Variants in EPG5 observed in about 807,000 individuals in gnomAD.
The protein encoded by EPG5 is ectopic P granules protein 5 homolog.
In EPG5, 159 loss-of-function variants were observed where a neutral mutation model predicts 302.7. The observed-to-expected ratio is 0.53, with a 90% confidence interval of 0.46 to 0.60. The LOEUF (loss-of-function observed/expected upper bound fraction) is 0.60. Ranked by LOEUF, EPG5 falls within the 20% of genes least tolerant of loss-of-function variation. The pLI is 0.00. For missense variants in EPG5, 2,896 were observed against 3,092.4 expected (o/e 0.94, Z 1.51); for synonymous variants, 1,158 against 1,136.8 (o/e 1.02, Z -0.37).
chr18:45,851,669 G>C lies in EPG5; in HGVS notation c.*798C>G, dbSNP rs1311225561. Reference sequence around the variant, plus strand: ...GGGGCAAGTGATGTGAATGAGGCTAGGGTCAGGGCCCGAGGGAATGCACAG... The same window carrying C: ...GGGGCAAGTGATGTGAATGAGGCTACGGTCAGGGCCCGAGGGAATGCACAG... On this transcript the variant is annotated 3_prime_UTR_variant, in exon 44 of 44. Transcript: ENST00000282041. 1 of 152,264 alleles carries C rather than the reference G, an allele frequency of 6.6e-6. No homozygotes were observed. Among genetic ancestry groups the C allele is most frequent in the African/African-American group, 2.4e-5 (1 of 41,454 alleles). The allele number at this position is 152,264 out of a possible 1,614,324, so 9.4% of individuals were successfully genotyped here.
chr18:45,869,702 G>A (rs1381092206), intron 36 of EPG5, among the ~76,000 whole-genome samples: 1 of 152,092 alleles, frequency 6.6e-6, no homozygotes, highest in Non-Finnish European at 1.5e-5. Context: ...AGCTTTTCTT[G>A]CATTTCAGCT....
In EPG5 at chr18:45,875,154, C is replaced by A. The variant is rs1019671032; in HGVS notation, c.6049+1082G>T. Among the ~76,000 whole-genome samples, 16 of 152,156 alleles carry A rather than the reference C, an allele frequency of 1.1e-4. No individual in the cohort carries two copies. The East Asian group carries it at 3.1e-3, about 29-fold the overall frequency. Reference sequence around the variant, plus strand: ...CAAGAAGTTAAGTAGTTCCAATTGACAACAAATGTAGATCCTCTCTGGAGG... The same window carrying A: ...CAAGAAGTTAAGTAGTTCCAATTGAAAACAAATGTAGATCCTCTCTGGAGG... On this transcript the variant is annotated intron_variant, in intron 35 of 43. Transcript: ENST00000282041.
At chr18:45,834,030 G>A in the EPG5 span, among the ~76,000 whole-genome samples, 1 of 152,292 alleles carries the variant, frequency 6.6e-6, no homozygotes, top group Non-Finnish European at 1.5e-5. Context: ...CTTCATGCCT[G>A]GCAACCTCTA....
intron 39 of EPG5, among the ~76,000 whole-genome samples, chr18:45,862,927 T>C (rs1209841192): frequency 6.6e-6 from 1 of 152,230 alleles, no homozygotes; most frequent in Non-Finnish European, 1.5e-5. Context: ...TTATGATTAT[T>C]CCTTTGGCCA....
At chr18:45,818,932 C>T in the EPG5 span, among the ~76,000 whole-genome samples, 1 of 152,206 alleles carries the variant, frequency 6.6e-6, no homozygotes, top group East Asian at 1.9e-4. Flanking sequence ...TGGGGTTTCA[C>T]CATGTTGGCC....
the EPG5 span, chr18:45,837,723 T>C: frequency 6.7e-7 from 1 of 1,501,660 alleles, no homozygotes; most frequent in Non-Finnish European, 8.8e-7. Flanking sequence ...CAGACGGCGC[T>C]GAGCCTGCAC....
chr18:45,852,506 A>G lies in EPG5; in HGVS notation c.7701T>C (p.Cys2567=). The part of the protein sequence containing the change: ...GKSFLALLVN[C]LYPEVHYLDH... ...CCAAATAATGCACTTCTGGATACAG[A>G]CAGTTAACGAGAAGAGCCAAGAAGC... is the stretch of plus-strand genomic sequence containing the variant. The change falls in exon 44 of 44, where the codon TGT becomes TGC. Residue 2567 remains cysteine (C), a synonymous_variant. Coordinates refer to ENST00000282041, the MANE Select transcript of EPG5 (RefSeq NM_020964.3). The G allele has an allele frequency of 1.2e-6, 2 of 1,614,204 alleles. No homozygotes were observed. The highest frequency in any genetic ancestry group is 1.7e-6 in the Non-Finnish European group (2 of 1,180,034).
At chr18:45,855,738 A>C in intron 42 of EPG5, 51 bp from the exon 43 acceptor site, 1 of 1,175,574 alleles carries the variant, frequency 8.5e-7, no homozygotes, top group Non-Finnish European at 1.3e-6. Context: ...TAAAGTAAGC[A>C]TTTTGAAATA....
rs372916938 is a variant in EPG5 at position 45,892,763 on chromosome 18, G to A, written c.4810-2823C>T. Among the ~76,000 whole-genome samples, 4 of 152,104 alleles carry A rather than the reference G, an allele frequency of 2.6e-5. 1 individual carries two copies. The East Asian group carries it at 7.7e-4, about 29-fold the overall frequency. On this transcript the variant is annotated intron_variant, in intron 27 of 43. Transcript: ENST00000282041. ...CAAACAAGCTATCCATAGCTCAGAC[G>A]CTTGCAGATAGCTGGAAATTTCCAG...
chr18:45,950,664 ATTCTG>A (rs1309957182), intron 4 of EPG5, among the ~76,000 whole-genome samples: 4 of 152,234 alleles, frequency 2.6e-5, no homozygotes, highest in Admixed American at 6.5e-5. Context: ...TTCATTTGTA[ATTCTG>A]TACCTGAGAC....
intron 42 of EPG5, among the ~76,000 whole-genome samples, chr18:45,857,018 A>G (rs1293916080): frequency 6.6e-6 from 1 of 152,058 alleles, no homozygotes; most frequent in African/African-American, 2.4e-5. Context: ...TCCTGGGTTT[A>G]AGCAATTCTC....
the EPG5 span, chr18:45,837,026 T>C: frequency 7.2e-7 from 1 of 1,385,738 alleles, no homozygotes; most frequent in Non-Finnish European, 1.0e-6. Flanking sequence ...TGTTTATCTG[T>C]AGGCTCATTT....
At chr18:45,929,078 C>CG in intron 12 of EPG5, 69 bp from the exon 13 acceptor site, 2 of 1,453,456 alleles carry the variant, frequency 1.4e-6, no homozygotes, top group South Asian at 2.4e-5. Flanking sequence ...ACACTTATAT[C>CG]ATTTTTTCAA....
At chr18:45,835,726 C>T in the EPG5 span, among the ~76,000 whole-genome samples, 1 of 152,292 alleles carries the variant, frequency 6.6e-6, no homozygotes, top group Admixed American at 6.5e-5. Flanking sequence ...GGGCATGAAA[C>T]ACAGTGGGAT....
At chr18:45,937,694 A>T (rs1485558139) in intron 10 of EPG5, among the ~76,000 whole-genome samples, 1 of 152,322 alleles carries the variant, frequency 6.6e-6, no homozygotes, top group East Asian at 1.9e-4. Context: ...GGCATGAGCC[A>T]CCACGCCCAG....
the EPG5 span, among the ~76,000 whole-genome samples, chr18:45,822,954 C>T: frequency 6.6e-6 from 1 of 152,088 alleles, no homozygotes; most frequent in Admixed American, 6.5e-5. Flanking sequence ...AGCCACATCC[C>T]CAAGTTCCCT....
chr18:45,939,571 C>T (rs2050615028), intron 10 of EPG5, 29 bp downstream of exon 10: 1 of 1,609,712 alleles, frequency 6.2e-7, no homozygotes, highest in East Asian at 2.2e-5. Flanking sequence ...AGTTACTTCT[C>T]ACTAAATATC....
chr18:45,965,713 A>G (rs986675622), intron 1 of EPG5, among the ~76,000 whole-genome samples: 5 of 152,222 alleles, frequency 3.3e-5, no homozygotes, highest in African/African-American at 1.2e-4. Context: ...CAAAATTATG[A>G]GGTCTGGCCA....
intron 1 of EPG5, among the ~76,000 whole-genome samples, chr18:45,956,585 T>C (rs762384696): frequency 3.3e-5 from 5 of 152,016 alleles, no homozygotes; most frequent in African/African-American, 1.2e-4. Context: ...GCCTCCCAAG[T>C]AGCTGGGACT....
Sources: gnomAD v4.1 joint callset for allele counts (sites outside exome capture counted in the v4.1 genomes callset) on GRCh38, gnomAD v4.1.1 for gene constraint, MANE v1.5 for transcripts, NCBI Gene and HGNC (gene_info 2026-07-23, HGNC 2026-07-21) for gene names.